Variants in COLEC11 observed in about 807,000 individuals in gnomAD.
COLEC11 encodes collectin-11.
COLEC11 carries 20 observed loss-of-function variants against 27.3 expected under a neutral mutation model. The observed-to-expected ratio is 0.73, with a 90% CI of 0.51 to 1.06. COLEC11 has a LOEUF of 1.06. Ranked by LOEUF, COLEC11 falls within the 50% of genes least tolerant of loss-of-function variation. COLEC11 has a pLI of 0.00. For missense variants in COLEC11, 310 were observed against 383.0 expected (o/e 0.81, Z 1.59); for synonymous variants, 163 against 154.7 (o/e 1.05, Z -0.40).
chr2:3,610,864 A>G (rs1412865716), intron 2 of COLEC11, among the ~76,000 whole-genome samples: 1 of 152,154 alleles, frequency 6.6e-6, no homozygotes, highest in Non-Finnish European at 1.5e-5. Flanking sequence ...GGTGTTGCTA[A>G]TGAGAATTCT....
rs1021557199 is a variant in COLEC11 at position 3,602,035 on chromosome 2, C to A, written c.-26-2280C>A. 2.0e-5 allele frequency: 3 copies of A among 152,294 alleles called. No homozygotes were observed. The highest frequency in any genetic ancestry group is 1.3e-4 in the Admixed American group (2 of 15,276). The allele number at this position is 152,294 out of a possible 1,614,324, so 9.4% of individuals were successfully genotyped here. A position where few individuals can be genotyped will look rare whatever the true frequency, so the allele number is the denominator to read the frequency against. Reference sequence around the variant, plus strand: ...ATCAGGTGGCAAAGGTGGGCTCTCGCCAGCCAGAGGCGGGGTCTCTGTAGA... The same window carrying A: ...ATCAGGTGGCAAAGGTGGGCTCTCGACAGCCAGAGGCGGGGTCTCTGTAGA... On this transcript the variant is annotated intron_variant, in intron 1 of 6. Coordinates refer to ENST00000349077, the MANE Select transcript of COLEC11 (RefSeq NM_024027.5). The surrounding 1 kb of genome is among the most constrained non-coding windows in gnomAD (Gnocchi z 6.2).
chr2:3,619,915 C>T lies in COLEC11; in HGVS notation c.202+6533C>T, dbSNP rs189088641. ...TGCTGGGATTACAAGCATGAGCCAC[C>T]GCTCCCGGCCGTGTATAATCTTTTT... On this transcript the variant is annotated intron_variant, in intron 3 of 6. Coordinates refer to ENST00000349077, the MANE Select transcript of COLEC11 (RefSeq NM_024027.5). Among the ~76,000 whole-genome samples the T allele has an allele frequency of 2.0e-4, 31 of 152,290 alleles. No individual in the cohort carries two copies. In the East Asian group the frequency reaches 5.2e-3, roughly 26 times the overall value.
At position 3,607,719 on chromosome 2, in the gene COLEC11, G is replaced by C. The variant is rs1662843811; in HGVS notation, c.130+3249G>C. ...CCGCTTTGGCTTCCCAAAGTGCTGG[G>C]ATTACAGGTGTGAGCCAACATACCT... is the stretch of plus-strand genomic sequence containing the variant. On this transcript the variant is annotated intron_variant, in intron 2 of 6. Transcript: ENST00000349077. 2.0e-5 allele frequency among the ~76,000 whole-genome samples: 3 copies of C among 152,170 alleles called. No homozygotes were observed. In the South Asian group the frequency reaches 6.2e-4, roughly 32 times the overall value.
chr2:3,614,877 T>C (rs760136752), intron 3 of COLEC11, among the ~76,000 whole-genome samples: 82 of 152,202 alleles, frequency 5.4e-4, no homozygotes, highest in Non-Finnish European at 9.6e-4. Flanking sequence ...AAATATCACA[T>C]ACAAAGAATT....
In COLEC11 at chr2:3,616,178, C is replaced by T. The variant is rs1238124921; in HGVS notation, c.202+2796C>T. 1.6e-4 allele frequency among the ~76,000 whole-genome samples: 24 copies of T among 148,196 alleles called. 1 individual carries two copies. The highest frequency in any genetic ancestry group is 4.8e-4 in the African/African-American group (19 of 39,338). On this transcript the variant is annotated intron_variant, in intron 3 of 6. Coordinates refer to ENST00000349077, the MANE Select transcript of COLEC11 (RefSeq NM_024027.5). ...CCCAGACAGGGCGGCGGGGCAGAGG[C>T]GCTCCCCACATCTCAGACGATGGGC...
intron 3 of COLEC11, among the ~76,000 whole-genome samples, chr2:3,619,167 C>T (rs898289971): frequency 1.1e-4 from 16 of 149,456 alleles, no homozygotes; most frequent in East Asian, 1.9e-4. Flanking sequence ...CCTTCTTTCC[C>T]GCCTCCCTCC....
intron 3 of COLEC11, among the ~76,000 whole-genome samples, chr2:3,623,443 G>T (rs1418393057): frequency 6.6e-6 from 1 of 151,870 alleles, no homozygotes; most frequent in African/African-American, 2.4e-5. Flanking sequence ...CTTTCTTGAT[G>T]GTGTCCTTTA....
At chr2:3,621,492 C>G (rs1181672254) in intron 3 of COLEC11, among the ~76,000 whole-genome samples, 1 of 152,066 alleles carries the variant, frequency 6.6e-6, no homozygotes, top group Non-Finnish European at 1.5e-5. Flanking sequence ...TTTTATTAAG[C>G]TACTCCGTGT....
At chr2:3,630,846 C>T (rs1013619948) in intron 3 of COLEC11, among the ~76,000 whole-genome samples, 1 of 152,184 alleles carries the variant, frequency 6.6e-6, no homozygotes, top group African/African-American at 2.4e-5. Context: ...CACTCTCGGC[C>T]AGTCTGCTTT....
At chr2:3,615,839 TGGCCG>T in intron 3 of COLEC11, among the ~76,000 whole-genome samples, 1 of 37,024 alleles carries the variant, frequency 2.7e-5, no homozygotes, top group East Asian at 1.4e-3. Flanking sequence ...ACGCGGCGGC[TGGCCG>T]GGCAGGGGCT....
At chr2:3,642,564 T>G (rs1357487488) in intron 5 of COLEC11, among the ~76,000 whole-genome samples, 1 of 152,204 alleles carries the variant, frequency 6.6e-6, no homozygotes, top group Non-Finnish European at 1.5e-5. Context: ...CAAGCAATTC[T>G]TGTCTTAAAG....
At chr2:3,603,461 T>C (rs1185246959) in intron 1 of COLEC11, 2 of 593,874 alleles carry the variant, frequency 3.4e-6, no homozygotes, top group African/African-American at 3.7e-5. Flanking sequence ...GGATTAGAGG[T>C]GCCCGCCACC....
At chr2:3,624,958 G>C (rs1175484158) in intron 3 of COLEC11, among the ~76,000 whole-genome samples, 2 of 152,164 alleles carry the variant, frequency 1.3e-5, no homozygotes, top group Non-Finnish European at 2.9e-5. Flanking sequence ...CCAAGTCCCT[G>C]ATATAGTAGT....
chr2:3,603,507 C>G (rs1662394228), intron 1 of COLEC11: 3 of 725,660 alleles, frequency 4.1e-6, no homozygotes, highest in Non-Finnish European at 7.2e-6. Flanking sequence ...AGAAGACATG[C>G]GGTTTCACCA....
At chr2:3,624,112 G>GTCTA (rs1435120596) in intron 3 of COLEC11, among the ~76,000 whole-genome samples, 3 of 152,212 alleles carry the variant, frequency 2.0e-5, no homozygotes, top group African/African-American at 7.2e-5. Flanking sequence ...CACAAAGGCA[G>GTCTA]TCTAGGTGCT....
Position 3,612,266 on chromosome 2 carries a change from GCA to G in COLEC11, c.131-1038_131-1037del, listed in dbSNP as rs545486343. Among the ~76,000 whole-genome samples the G allele has an allele frequency of 9.9e-4, 150 of 152,112 alleles. 1 individual carries two copies. Among genetic ancestry groups the G allele is most frequent in the African/African-American group, 3.4e-3 (143 of 41,516 alleles). ...CACCCACGCACACGCATGCACACAT[GCA>G]CACACATGCACACACACTCCCTGTC... On this transcript the variant is annotated intron_variant, in intron 2 of 6. Transcript: ENST00000349077.
Position 3,605,193 on chromosome 2 carries a change from C to T in COLEC11, c.130+723C>T, listed in dbSNP as rs572962279. ...GGGCCCCTTGTTCAAAATTACAGAA[C>T]CCAAGAAGGGACAGCAGAGTGTGTG... On this transcript the variant is annotated intron_variant, in intron 2 of 6. Transcript: ENST00000349077. 8 of 454,168 alleles carry T rather than the reference C, an allele frequency of 1.8e-5. No individual in the cohort carries two copies. In the East Asian group the frequency reaches 5.6e-4, roughly 32 times the overall value. The allele number at this position is 454,168 out of a possible 1,614,324, so 28.1% of individuals were successfully genotyped here.
At chr2:3,604,569 C>G in intron 2 of COLEC11, 99 bp downstream of exon 2, 1 of 1,351,174 alleles carries the variant, frequency 7.4e-7, no homozygotes. Flanking sequence ...GCACAAAGCC[C>G]CAGCAAATCT....
chr2:3,640,248 G>A, intron 4 of COLEC11, 30 bp from the exon 5 acceptor site: 3 of 1,451,148 alleles, frequency 2.1e-6, no homozygotes, highest in Non-Finnish European at 2.9e-6. Context: ...ATCTCTGCCT[G>A]GTGACTTGGA....
Sources: allele counts gnomAD v4.1 joint callset (sites outside exome capture counted in the v4.1 genomes callset), GRCh38; gene constraint gnomAD v4.1.1; non-coding constraint Gnocchi (gnomAD v3.1); transcripts MANE v1.5; gene names NCBI Gene and HGNC (gene_info 2026-07-23, HGNC 2026-07-21).